SNX9: variants seen among roughly 807,000 people sequenced by gnomAD.
The protein encoded by SNX9 is sorting nexin-9.
SNX9 carries 44 observed loss-of-function variants against 89.4 expected under a neutral mutation model. The ratio of observed to expected loss-of-function variants is 0.49; its 90% CI spans 0.39 to 0.63. SNX9 has a LOEUF of 0.63. Ranked by LOEUF, SNX9 falls within the 30% of genes least tolerant of loss-of-function variation. The pLI is 0.00. For synonymous variants in SNX9, 236 were observed against 247.8 expected (o/e 0.95, Z 0.45); for missense variants, 578 against 736.1 (o/e 0.79, Z 2.49).
At chr6:157,856,664 CT>C (rs1782018405) in intron 1 of SNX9, among the ~76,000 whole-genome samples, 2 of 152,238 alleles carry the variant, frequency 1.3e-5, no homozygotes. Context: ...ACTCCCAACC[CT>C]TATCCCCTAC....
chr6:157,920,533 G>A (rs1048352668), intron 9 of SNX9, among the ~76,000 whole-genome samples: 1 of 152,204 alleles, frequency 6.6e-6, no homozygotes, highest in African/African-American at 2.4e-5. Context: ...GGGGAGACAG[G>A]AGCAGCCTCC....
At chr6:157,841,183 T>C (rs1349696788) in intron 1 of SNX9, among the ~76,000 whole-genome samples, 2 of 152,202 alleles carry the variant, frequency 1.3e-5, no homozygotes, top group Non-Finnish European at 2.9e-5. Context: ...ATTCAATGAA[T>C]CTTTATTCTT....
chr6:157,859,343 G>A (rs942333891), intron 1 of SNX9, among the ~76,000 whole-genome samples: 2 of 152,166 alleles, frequency 1.3e-5, no homozygotes, highest in Admixed American at 6.5e-5. Flanking sequence ...TGAAAAAGGT[G>A]TAGCATGCTA....
intron 1 of SNX9, among the ~76,000 whole-genome samples, chr6:157,864,528 C>T (rs528796454): frequency 1.3e-5 from 2 of 152,186 alleles, no homozygotes; most frequent in African/African-American, 4.8e-5. Flanking sequence ...TATTTGGAAA[C>T]TAATTGGATT....
chr6:157,865,500 C>T (rs73024642), intron 1 of SNX9, among the ~76,000 whole-genome samples: 8,232 of 152,248 alleles, frequency 0.054, 245 homozygotes, highest in East Asian at 0.11. Flanking sequence ...GATCTCCACT[C>T]GGGTCCCAGC....
chr6:157,929,007 G>A (rs952005714), intron 12 of SNX9, among the ~76,000 whole-genome samples: 2 of 152,150 alleles, frequency 1.3e-5, no homozygotes, highest in South Asian at 2.1e-4. Context: ...AGTGCTTGTA[G>A]TTATTCTTAG....
chr6:157,891,109 G>A (rs1782850434), intron 4 of SNX9, among the ~76,000 whole-genome samples: 1 of 137,388 alleles, frequency 7.3e-6, no homozygotes, highest in African/African-American at 2.8e-5. Flanking sequence ...TCGGCTCACT[G>A]CAACCTCCGC....
At chr6:157,825,439 C>T (rs751059352) in intron 1 of SNX9, among the ~76,000 whole-genome samples, 24 of 152,214 alleles carry the variant, frequency 1.6e-4, no homozygotes, top group Non-Finnish European at 3.4e-4. Flanking sequence ...CATAGTTAAT[C>T]CTGAACTTAA....
intron 1 of SNX9, among the ~76,000 whole-genome samples, chr6:157,826,584 A>G (rs1003786171): frequency 1.4e-4 from 21 of 149,854 alleles, no homozygotes; most frequent in Non-Finnish European, 1.0e-4. Flanking sequence ...CTCCTTACTC[A>G]GTAGAGTGCT....
chr6:157,874,135 T>C (rs1367043462), intron 3 of SNX9: 1 of 152,196 alleles, frequency 6.6e-6, no homozygotes, highest in Non-Finnish European at 1.5e-5. Flanking sequence ...CAGAGTGAGA[T>C]CTAAGGCCGT....
intron 10 of SNX9, 71 bp downstream of exon 10, chr6:157,921,732 A>G: frequency 6.7e-7 from 1 of 1,499,782 alleles, no homozygotes. Context: ...CTTATTTCTG[A>G]AAGGAGTTAA....
At chr6:157,839,182 T>C (rs188832983) in intron 1 of SNX9, among the ~76,000 whole-genome samples, 2 of 152,368 alleles carry the variant, frequency 1.3e-5, no homozygotes, top group East Asian at 3.9e-4. Flanking sequence ...TGTCCTTGTG[T>C]ATAATTACTG....
At chr6:157,914,263 C>T (rs1215875833) in intron 9 of SNX9, among the ~76,000 whole-genome samples, 1 of 152,034 alleles carries the variant, frequency 6.6e-6, no homozygotes, top group Non-Finnish European at 1.5e-5. Flanking sequence ...AGCATCTCTT[C>T]ATGTGCTTAT....
chr6:157,913,153 T>G (rs2115182867), intron 9 of SNX9, among the ~76,000 whole-genome samples: 1 of 152,326 alleles, frequency 6.6e-6, no homozygotes, highest in South Asian at 2.1e-4. Flanking sequence ...GCACAAGGCT[T>G]TGTTTCTGCT....
At chr6:157,874,061 A>G (rs942317614) in intron 3 of SNX9, 1 of 152,220 alleles carries the variant, frequency 6.6e-6, no homozygotes, top group Non-Finnish European at 1.5e-5. Flanking sequence ...GAATAAAGGT[A>G]CCTTTGGTTC....
At chr6:157,855,259 C>T (rs1325396778) in intron 1 of SNX9, among the ~76,000 whole-genome samples, 3 of 152,108 alleles carry the variant, frequency 2.0e-5, no homozygotes, top group Non-Finnish European at 4.4e-5. Context: ...TATAGTACTC[C>T]GTTTCGCAGA....
chr6:157,877,250 T>C (rs987144059), intron 4 of SNX9, among the ~76,000 whole-genome samples: 2 of 150,946 alleles, frequency 1.3e-5, no homozygotes, highest in African/African-American at 4.9e-5. Context: ...TTCGTTTAGG[T>C]TATTTAGAAG....
At chr6:157,915,656 TACAC>T (rs1355484937) in intron 9 of SNX9, among the ~76,000 whole-genome samples, 9 of 120,124 alleles carry the variant, frequency 7.5e-5, no homozygotes, top group African/African-American at 3.0e-4. Flanking sequence ...TATATATATA[TACAC>T]ACACACACAC....
intron 3 of SNX9, 61 bp from the exon 4 acceptor site, chr6:157,874,990 C>G (rs17455079): frequency 0.057 from 88,788 of 1,551,124 alleles, 2,797 homozygotes; most frequent in East Asian, 0.11. Flanking sequence ...TGCTTGCCCT[C>G]GAAGACTCCC....
Sources: gnomAD v4.1 joint callset for allele counts (sites outside exome capture counted in the v4.1 genomes callset) on GRCh38, gnomAD v4.1.1 for gene constraint, MANE v1.5 for transcripts, NCBI Gene and HGNC (gene_info 2026-07-23, HGNC 2026-07-21) for gene names.